Variants in PDE4D observed in about 807,000 individuals in gnomAD.
PDE4D encodes the protein phosphodiesterase 4D.
PDE4D carries 24 observed loss-of-function variants against 87.4 expected under a neutral mutation model. The observed-to-expected ratio is 0.27, with a 90% confidence interval of 0.20 to 0.39. The LOEUF (loss-of-function observed/expected upper bound fraction) is 0.39. Among genes scored for constraint, PDE4D ranks in the 10% least tolerant of loss-of-function variants. The pLI, the probability that PDE4D is intolerant of heterozygous loss-of-function variation, is 1.00. For missense variants in PDE4D, 714 were observed against 1,041.0 expected (o/e 0.69, Z 4.32); for synonymous variants, 384 against 383.2 (o/e 1.00, Z -0.02).
At chr5:60,362,716 A>G (rs1760171743) in intron 1 of PDE4D, among the ~76,000 whole-genome samples, 1 of 152,086 alleles carries the variant, frequency 6.6e-6, no homozygotes, top group South Asian at 2.1e-4. Flanking sequence ...AAAATTAGCC[A>G]GGTATGGCGG....
At chr5:59,826,215 T>C (rs1178951365) in intron 1 of PDE4D, among the ~76,000 whole-genome samples, 4 of 152,192 alleles carry the variant, frequency 2.6e-5, no homozygotes, top group African/African-American at 7.2e-5. Context: ...TGTTCACCTC[T>C]ATATCCCTAG....
intron 2 of PDE4D, among the ~76,000 whole-genome samples, chr5:60,052,960 T>C (rs867536222): frequency 7.9e-5 from 12 of 151,902 alleles, no homozygotes; most frequent in African/African-American, 2.9e-4. Context: ...GAGAATAAAA[T>C]ACCTAGGAAT....
Position 59,485,569 on chromosome 5 carries a change from C to A in PDE4D, c.456-269601G>T, listed in dbSNP as rs186098804. On this transcript the variant is annotated intron_variant, in intron 1 of 14. Coordinates refer to ENST00000340635, the MANE Select transcript of PDE4D (RefSeq NM_001104631.2). ...AGGCTACTACCAAACTTAGCAGTTACATATTTTTAGGTTTATTATATAAAT... is the reference window on the plus strand; with the variant it reads ...AGGCTACTACCAAACTTAGCAGTTAAATATTTTTAGGTTTATTATATAAAT... Among the ~76,000 whole-genome samples, 114 of 151,844 alleles carry A rather than the reference C, an allele frequency of 7.5e-4. 1 individual carries two copies. The highest frequency in any genetic ancestry group is 2.5e-3 in the African/African-American group (105 of 41,474).
At chr5:60,205,628 G>A (rs2149556930) in intron 1 of PDE4D, among the ~76,000 whole-genome samples, 1 of 152,200 alleles carries the variant, frequency 6.6e-6, no homozygotes, top group Admixed American at 6.5e-5. Flanking sequence ...GCTCACGCCT[G>A]TAATCTCAGC....
chr5:60,271,847 C>T (rs985021055), intron 1 of PDE4D, among the ~76,000 whole-genome samples: 1 of 152,160 alleles, frequency 6.6e-6, no homozygotes, highest in Non-Finnish European at 1.5e-5. Flanking sequence ...GAATGGCACA[C>T]AGTATTGAGA....
intron 2 of PDE4D, among the ~76,000 whole-genome samples, chr5:59,992,078 CT>C (rs1763062499): frequency 6.6e-6 from 1 of 152,156 alleles, no homozygotes; most frequent in African/African-American, 2.4e-5. Flanking sequence ...TGGCCTGCAT[CT>C]TTCTTCTGTG....
At chr5:59,885,728 G>GT (rs35486582) in intron 1 of PDE4D, among the ~76,000 whole-genome samples, 72,027 of 150,736 alleles carry the variant, frequency 0.48, 17,640 homozygotes, top group Admixed American at 0.55. Context: ...CTTACATGTT[G>GT]TTTTTTTTTC....
At chr5:59,547,610 A>G (rs1477648118) in intron 1 of PDE4D, among the ~76,000 whole-genome samples, 1 of 152,186 alleles carries the variant, frequency 6.6e-6, no homozygotes, top group Non-Finnish European at 1.5e-5. Context: ...ATGCTGTGAA[A>G]TATGTGGTCA....
chr5:59,580,638 TA>T (rs1823946101), intron 1 of PDE4D, among the ~76,000 whole-genome samples: 1 of 151,910 alleles, frequency 6.6e-6, no homozygotes. Context: ...CAGCTACCTT[TA>T]AAAAAATAGA....
intron 2 of PDE4D, among the ~76,000 whole-genome samples, chr5:59,206,657 A>AT (rs998842465): frequency 1.3e-5 from 2 of 152,226 alleles, no homozygotes; most frequent in African/African-American, 4.8e-5. Flanking sequence ...GCTCCAAACA[A>AT]TTTTTTTGTC....
chr5:59,710,965 A>G (rs1460708715), intron 1 of PDE4D, among the ~76,000 whole-genome samples: 4 of 152,182 alleles, frequency 2.6e-5, no homozygotes, highest in African/African-American at 7.2e-5. Context: ...GAAGATGTGG[A>G]AAGTTGAATG....
intron 1 of PDE4D, among the ~76,000 whole-genome samples, chr5:59,301,845 G>A (rs908244283): frequency 6.6e-6 from 1 of 152,084 alleles, no homozygotes; most frequent in African/African-American, 2.4e-5. Flanking sequence ...CCTTGGGAAT[G>A]ACAGATGGTC....
rs781408537 is a variant in PDE4D at position 59,275,406 on chromosome 5, G to GA, written c.456-59439dup. ...TTGGCTTCATAATAATGCTCATTTT[G>GA]AAAAAAAATAAAAAGGAAAATAAGT... On this transcript the variant is annotated intron_variant, in intron 1 of 14. Transcript: ENST00000340635. 127 of 1,593,308 alleles carry GA rather than the reference G, an allele frequency of 8.0e-5. No homozygotes were observed. Among genetic ancestry groups the GA allele is most frequent in the East Asian group, 4.5e-5 (2 of 44,672 alleles).
chr5:60,220,082 A>C (rs1314428314), intron 1 of PDE4D, among the ~76,000 whole-genome samples: 1 of 152,134 alleles, frequency 6.6e-6, no homozygotes, highest in Non-Finnish European at 1.5e-5. Flanking sequence ...ATCATCAGCA[A>C]TCATTGCTTC....
intron 1 of PDE4D, among the ~76,000 whole-genome samples, chr5:59,649,905 C>CTTTTTTTTTTTTTTTTTTTTTTTTTTTGT (rs1156467369): frequency 1.4e-5 from 1 of 72,406 alleles, no homozygotes; most frequent in Non-Finnish European, 2.4e-5. Context: ...GTTTGTGAAC[C>CTTTTTTTTTTTTTTTTTTTTTTTTTTTGT]TTTTTTTTTT....
At chr5:59,956,158 C>G (rs559815325) in intron 3 of PDE4D, among the ~76,000 whole-genome samples, 1 of 152,080 alleles carries the variant, frequency 6.6e-6, no homozygotes, top group Admixed American at 6.5e-5. Flanking sequence ...CAGAAAACCC[C>G]GAATAATAAA....
chr5:59,278,335 TGAG>T (rs1378124500), intron 1 of PDE4D, among the ~76,000 whole-genome samples: 1 of 152,044 alleles, frequency 6.6e-6, no homozygotes, highest in Non-Finnish European at 1.5e-5. Context: ...TGCAGGCTGA[TGAG>T]GAGGCCTGAA....
At chr5:59,433,983 A>G (rs1796465275) in intron 1 of PDE4D, among the ~76,000 whole-genome samples, 1 of 151,932 alleles carries the variant, frequency 6.6e-6, no homozygotes, top group South Asian at 2.1e-4. Context: ...GCCTACGTTT[A>G]GCAATTTTAA....
At chr5:60,436,828 C>A (rs1744796687) in intron 1 of PDE4D, among the ~76,000 whole-genome samples, 1 of 151,998 alleles carries the variant, frequency 6.6e-6, no homozygotes, top group African/African-American at 2.4e-5. Flanking sequence ...CGGGAAAATT[C>A]AGCACTGTTT....
Sources: gnomAD v4.1 joint callset for allele counts (sites outside exome capture counted in the v4.1 genomes callset) on GRCh38, gnomAD v4.1.1 for gene constraint, MANE v1.5 for transcripts, NCBI Gene and HGNC (gene_info 2026-07-23, HGNC 2026-07-21) for gene names.